RORA: variants seen among roughly 807,000 people sequenced by gnomAD.
RORA encodes nuclear receptor ROR-alpha.
In RORA, 7 loss-of-function variants were observed where a neutral mutation model predicts 69.5. That is an observed-to-expected ratio of 0.10 (90% CI 0.06 to 0.19). The LOEUF is 0.19. Ranked by LOEUF, RORA falls within the 10% of genes least tolerant of loss-of-function variation. The probability of loss-of-function intolerance (pLI) is 1.00; values close to 1 mark genes in which losing one functional copy is unlikely to be tolerated. For synonymous variants in RORA, 261 were observed against 240.8 expected, an observed-to-expected ratio of 1.08 and a Z score of -0.78; for missense variants, 457 against 663.0, an observed-to-expected ratio of 0.69 and a Z score of 3.41.
chr15:61,159,469 C>G (rs1169316265), intron 1 of RORA, among the ~76,000 whole-genome samples: 1 of 152,164 alleles, frequency 6.6e-6, no homozygotes, highest in Non-Finnish European at 1.5e-5. Context: ...TTATTGCATG[C>G]TAATTTCACC....
chr15:60,582,920 C>G (rs2068232947), intron 2 of RORA, among the ~76,000 whole-genome samples: 1 of 152,170 alleles, frequency 6.6e-6, no homozygotes, highest in South Asian at 2.1e-4. Flanking sequence ...TTACATTGGC[C>G]TAGCTGTTGT....
chr15:60,983,042 G>T (rs188892474), intron 1 of RORA, among the ~76,000 whole-genome samples: 1 of 152,154 alleles, frequency 6.6e-6, no homozygotes, highest in East Asian at 1.9e-4. Context: ...GGGGTTTCTA[G>T]GTATAAACCA....
intron 1 of RORA, among the ~76,000 whole-genome samples, chr15:61,163,236 A>G (rs917937622): frequency 3.3e-5 from 5 of 152,194 alleles, no homozygotes; most frequent in Admixed American, 6.5e-5. Flanking sequence ...ATGGAAGGCC[A>G]CATAGAAATT....
At chr15:61,080,301 C>T (rs1272632385) in intron 1 of RORA, among the ~76,000 whole-genome samples, 1 of 152,136 alleles carries the variant, frequency 6.6e-6, no homozygotes, top group Non-Finnish European at 1.5e-5. Flanking sequence ...ATCACAAAAG[C>T]ACCTAAGCTT....
intron 1 of RORA, among the ~76,000 whole-genome samples, chr15:60,950,305 G>A (rs1217071114): frequency 7.1e-6 from 1 of 141,580 alleles, no homozygotes; most frequent in African/African-American, 2.6e-5. Context: ...ACATGGAAAG[G>A]AACAACCGGT....
At chr15:60,530,966 A>C (rs2066509330) in intron 3 of RORA, 1 of 152,190 alleles carries the variant, frequency 6.6e-6, no homozygotes, top group African/African-American at 2.4e-5. Flanking sequence ...TTGAGATTTG[A>C]ATAACAGAGG....
intron 2 of RORA, among the ~76,000 whole-genome samples, chr15:60,546,726 T>C (rs928001714): frequency 3.9e-5 from 6 of 152,110 alleles, no homozygotes; most frequent in Admixed American, 1.3e-4. Flanking sequence ...GTAACAGAGG[T>C]TTGCTGAGCC....
rs145675458 is a variant in RORA at position 60,780,312 on chromosome 15, A to T, written c.167-101626T>A. On this transcript the variant is annotated intron_variant, in intron 1 of 10. Coordinates refer to ENST00000335670, the MANE Select transcript of RORA (RefSeq NM_134261.3). ...TAGGGCCTATGCGGGAGTATTTTTT[A>T]AAAAAGTTCCACATGGACTGGTGAT... Among the ~76,000 whole-genome samples the T allele has an allele frequency of 4.7e-3, 722 of 152,196 alleles. 7 individuals are homozygous for T. Among genetic ancestry groups the T allele is most frequent in the African/African-American group, 0.016 (676 of 41,508 alleles).
At chr15:60,578,645 G>A (rs2068097567) in intron 2 of RORA, among the ~76,000 whole-genome samples, 1 of 152,046 alleles carries the variant, frequency 6.6e-6, no homozygotes, top group South Asian at 2.1e-4. Context: ...TAAAGCAGAA[G>A]TGCTTTATGC....
chr15:61,149,388 CAA>C (rs1431209645), intron 1 of RORA, among the ~76,000 whole-genome samples: 4 of 152,212 alleles, frequency 2.6e-5, no homozygotes, highest in African/African-American at 9.6e-5. Flanking sequence ...CTCTATCCTA[CAA>C]CGAACTCATC....
chr15:60,896,142 C>A (rs1418351213), intron 1 of RORA, among the ~76,000 whole-genome samples: 1 of 152,164 alleles, frequency 6.6e-6, no homozygotes, highest in African/African-American at 2.4e-5. Context: ...AGAGAAGACC[C>A]ACTCATCCTG....
At chr15:60,642,677 G>T (rs1343824820) in intron 2 of RORA, among the ~76,000 whole-genome samples, 1 of 151,946 alleles carries the variant, frequency 6.6e-6, no homozygotes, top group African/African-American at 2.4e-5. Context: ...AATCACTTGA[G>T]CCCGGAAGTT....
At chr15:60,865,155 T>C (rs2073474083) in intron 1 of RORA, among the ~76,000 whole-genome samples, 1 of 152,200 alleles carries the variant, frequency 6.6e-6, no homozygotes, top group South Asian at 2.1e-4. Context: ...GAGAAAGATG[T>C]TTGATAGACC....
chr15:60,832,011 T>G (rs938786511), intron 1 of RORA, among the ~76,000 whole-genome samples: 1 of 152,178 alleles, frequency 6.6e-6, no homozygotes, highest in Non-Finnish European at 1.5e-5. Flanking sequence ...TACAGCACCA[T>G]CAGCCACACG....
chr15:60,651,407 T>C lies in RORA; in HGVS notation c.196+27250A>G, dbSNP rs561540239. Among the ~76,000 whole-genome samples, 4 of 152,278 alleles carry C rather than the reference T, an allele frequency of 2.6e-5. No individual in the cohort carries two copies. In the South Asian group the frequency reaches 8.3e-4, roughly 32 times the overall value. ...TCAACATAGAGTATTCCTATTTACA[T>C]ATGTCCCGCTGCATACATACTTAGC... On this transcript the variant is annotated intron_variant, in intron 2 of 10. Coordinates refer to ENST00000335670, the MANE Select transcript of RORA (RefSeq NM_134261.3).
At chr15:60,919,049 A>G in intron 1 of RORA, among the ~76,000 whole-genome samples, 1 of 152,206 alleles carries the variant, frequency 6.6e-6, no homozygotes, top group African/African-American at 2.4e-5. Flanking sequence ...ACGAAAAGAC[A>G]TGCGGCTTAT....
intron 2 of RORA, among the ~76,000 whole-genome samples, chr15:60,663,133 C>T (rs1596106756): frequency 6.6e-6 from 1 of 152,324 alleles, no homozygotes; most frequent in East Asian, 1.9e-4. Flanking sequence ...TCCTTCTGCC[C>T]AGTCCAGCTT....
At chr15:60,839,442 A>G (rs1369925785) in intron 1 of RORA, among the ~76,000 whole-genome samples, 1 of 152,206 alleles carries the variant, frequency 6.6e-6, no homozygotes, top group African/African-American at 2.4e-5. Flanking sequence ...AAAAAACGAA[A>G]TTACTTTTAC....
chr15:60,571,798 G>A (rs565224377), intron 2 of RORA, among the ~76,000 whole-genome samples: 1 of 152,234 alleles, frequency 6.6e-6, no homozygotes, highest in Non-Finnish European at 1.5e-5. Context: ...CACCTTCTAC[G>A]ATGAAAATTT....
Sources: allele counts gnomAD v4.1 joint callset (sites outside exome capture counted in the v4.1 genomes callset), GRCh38; gene constraint gnomAD v4.1.1; transcripts MANE v1.5; gene names NCBI Gene and HGNC (gene_info 2026-07-23, HGNC 2026-07-21).